Variants in MYO5B observed in about 807,000 individuals in gnomAD.
The protein encoded by MYO5B is myosin VB.
A neutral mutation model predicts 229.3 loss-of-function variants in MYO5B; 143 were observed. That is an observed-to-expected ratio of 0.62 (90% CI 0.54 to 0.72). The LOEUF (loss-of-function observed/expected upper bound fraction) is 0.72. MYO5B is among the 30% of genes least tolerant of loss of function. The pLI, the probability that MYO5B is intolerant of heterozygous loss-of-function variation, is 0.00. For synonymous variants in MYO5B, 918 were observed against 885.2 expected, an observed-to-expected ratio of 1.04 and a Z score of -0.66; for missense variants, 2,321 against 2,331.0, an observed-to-expected ratio of 1.00 and a Z score of 0.09.
intron 1 of MYO5B, among the ~76,000 whole-genome samples, chr18:50,067,624 C>A (rs944406869): frequency 6.6e-6 from 1 of 152,168 alleles, no homozygotes; most frequent in African/African-American, 2.4e-5. Flanking sequence ...CTCTTAGTTT[C>A]CGTGAGAGCC....
chr18:49,841,419 C>T lies in MYO5B; in HGVS notation c.4647G>A (p.Trp1549Ter). 4 of 1,614,180 alleles carry T rather than the reference C, an allele frequency of 2.5e-6. No individual in the cohort carries two copies. The highest frequency in any genetic ancestry group is 3.4e-6 in the Non-Finnish European group (4 of 1,180,030). The change falls in exon 35 of 40, where the codon TGG becomes TGA. Residue 1549 changes from tryptophan (W) to a stop codon, truncating the protein, a stop_gained. Coordinates refer to ENST00000285039, the MANE Select transcript of MYO5B (RefSeq NM_001080467.3). LOFTEE classifies it high-confidence loss of function. ...HNDDFEMTSF[W>*]LSNTCRLLHC... ...GAAGAAGGCGGCAGGTGTTGGATAA[C>T]CAGAATGACGTCATCTCAAAGTCAT...
chr18:49,886,024 G>A (rs557796968), intron 22 of MYO5B, among the ~76,000 whole-genome samples: 11 of 149,536 alleles, frequency 7.4e-5, no homozygotes, highest in African/African-American at 2.2e-4. Flanking sequence ...CTGCAGCCTC[G>A]ACCTCCCCAG....
At chr18:50,055,651 A>G (rs554532273) in intron 1 of MYO5B, among the ~76,000 whole-genome samples, 1 of 152,286 alleles carries the variant, frequency 6.6e-6, no homozygotes, top group East Asian at 1.9e-4. Flanking sequence ...TTGAGCCTGC[A>G]TTTGTTTATA....
chr18:49,848,928 G>C (rs1163960771), intron 32 of MYO5B, among the ~76,000 whole-genome samples: 1 of 152,060 alleles, frequency 6.6e-6, no homozygotes, highest in Non-Finnish European at 1.5e-5. Flanking sequence ...CAACACACAA[G>C]TGGGGTCAGG....
intron 39 of MYO5B, 24 bp downstream of exon 39, chr18:49,835,320 T>C: frequency 6.4e-7 from 1 of 1,564,508 alleles, no homozygotes; most frequent in Non-Finnish European, 8.8e-7. Context: ...CTGGACTTTA[T>C]AAAATTACTA....
chr18:50,106,462 G>C (rs2031762041), intron 1 of MYO5B, among the ~76,000 whole-genome samples: 1 of 152,200 alleles, frequency 6.6e-6, no homozygotes. Flanking sequence ...GCCCTGTCCA[G>C]AGGTTTCTGC....
At chr18:50,153,901 C>T (rs1242130112) in intron 1 of MYO5B, among the ~76,000 whole-genome samples, 1 of 152,150 alleles carries the variant, frequency 6.6e-6, no homozygotes, top group Non-Finnish European at 1.5e-5. Context: ...TTGCTCCCCA[C>T]CCCTGGAGCC....
At chr18:50,126,089 G>A (rs1235385900) in intron 1 of MYO5B, among the ~76,000 whole-genome samples, 4 of 152,154 alleles carry the variant, frequency 2.6e-5, no homozygotes, top group Non-Finnish European at 5.9e-5. Flanking sequence ...CAATGTGAAC[G>A]TACTTAATGC....
In MYO5B at chr18:50,107,109, C is replaced by CTTTTTT. The variant is rs71169479; in HGVS notation, c.28-51737_28-51732dup. On this transcript the variant is annotated intron_variant, in intron 1 of 39. Transcript: ENST00000285039. ...AGGGTTTCCTAATGCCTTAGGGTGC[C>CTTTTTT]TTTTTTTTTTTTTTTTTTTTTTTTT... 1.4e-4 allele frequency among the ~76,000 whole-genome samples: 8 copies of CTTTTTT among 56,652 alleles called. 1 individual carries two copies. Among genetic ancestry groups the CTTTTTT allele is most frequent in the Admixed American group, 2.9e-4 (1 of 3,418 alleles). 37.2% of individuals were successfully genotyped at this position (56,652 alleles called of 152,430 possible).
chr18:49,968,201 G>A (rs2025648301), intron 10 of MYO5B, among the ~76,000 whole-genome samples: 1 of 152,164 alleles, frequency 6.6e-6, no homozygotes, highest in South Asian at 2.1e-4. Flanking sequence ...AAGACAATGA[G>A]GCCATAGTGT....
intron 6 of MYO5B, among the ~76,000 whole-genome samples, chr18:49,991,944 C>T (rs536531526): frequency 4.6e-5 from 7 of 152,212 alleles, no homozygotes; most frequent in East Asian, 1.9e-4. Context: ...ACCCAGACTC[C>T]GTATTTATGA....
At chr18:50,070,535 G>A (rs140822788) in intron 1 of MYO5B, among the ~76,000 whole-genome samples, 97 of 151,880 alleles carry the variant, frequency 6.4e-4, no homozygotes, top group South Asian at 2.5e-3. Flanking sequence ...CAGGGATGCC[G>A]CTATAACAAC....
At chr18:50,155,859 A>T (rs1003289882) in intron 1 of MYO5B, among the ~76,000 whole-genome samples, 5 of 152,246 alleles carry the variant, frequency 3.3e-5, no homozygotes, top group Non-Finnish European at 7.3e-5. Context: ...GGCACCGAAG[A>T]TGACTTCAAC....
Position 49,912,132 on chromosome 18 carries a change from A to C in MYO5B, c.2132T>G (p.Val711Gly). 2 of 1,613,990 alleles carry C rather than the reference A, an allele frequency of 1.2e-6. No individual in the cohort carries two copies. Among genetic ancestry groups the C allele is most frequent in the Non-Finnish European group, 1.7e-6 (2 of 1,180,010 alleles). ...TGTGTTGGCGAGCTCTCTCTTCTTG[A>C]CCAGCACCCGATACCGGTTGAAAAA... is the stretch of plus-strand genomic sequence containing the variant. ...HDFFNRYRVLVKKRELANTDK... is the reference protein window; with the variant it reads ...HDFFNRYRVLGKKRELANTDK... The change falls in exon 18 of 40, where the codon GTC (valine) becomes GGC (glycine). Residue 711 changes from valine to glycine, a missense_variant. Physicochemically the swap from Val to Gly is moderately radical, Grantham distance 109. Transcript: ENST00000285039.
chr18:50,146,358 T>C (rs2032502429), intron 1 of MYO5B, among the ~76,000 whole-genome samples: 1 of 152,218 alleles, frequency 6.6e-6, no homozygotes, highest in African/African-American at 2.4e-5. Flanking sequence ...TCTTCCTACA[T>C]GGGACATTGT....
Position 49,962,307 on chromosome 18 carries a change from C to T in MYO5B, c.1504G>A (p.Ala502Thr). The T allele has an allele frequency of 1.2e-6, 2 of 1,614,198 alleles. No individual in the cohort carries two copies. Among genetic ancestry groups the T allele is most frequent in the Non-Finnish European group, 1.7e-6 (2 of 1,180,026 alleles). The change falls in exon 12 of 40, where the codon GCC becomes ACC. Residue 502 changes from alanine to threonine, a missense_variant. Transcript: ENST00000285039. The part of the protein sequence containing the change: ...DNQPCIDLIE[A>T]KLGILDLLDE... ...AACAGGTCCAAGATACCCAGCTTGG[C>T]TTCAATGAGGTCGATACAAGGTTGG...
chr18:49,905,469 G>A (rs900931564), intron 19 of MYO5B, among the ~76,000 whole-genome samples: 6 of 152,072 alleles, frequency 3.9e-5, no homozygotes, highest in African/African-American at 1.4e-4. Flanking sequence ...TTTGCTGCCA[G>A]GCCTATAACA....
At chr18:49,901,841 C>A (rs2024845144) in intron 21 of MYO5B, among the ~76,000 whole-genome samples, 1 of 152,184 alleles carries the variant, frequency 6.6e-6, no homozygotes, top group Non-Finnish European at 1.5e-5. Context: ...ATGCCATGTG[C>A]CCTTCCAGTG....
intron 26 of MYO5B, among the ~76,000 whole-genome samples, chr18:49,873,606 G>A (rs1225268163): frequency 2.0e-5 from 3 of 152,226 alleles, no homozygotes; most frequent in Non-Finnish European, 4.4e-5. Flanking sequence ...CTGCTCCGGT[G>A]AGAGTTCTGT....
Sources: allele counts gnomAD v4.1 joint callset (sites outside exome capture counted in the v4.1 genomes callset), GRCh38; gene constraint gnomAD v4.1.1; transcripts MANE v1.5; gene names NCBI Gene and HGNC (gene_info 2026-07-23, HGNC 2026-07-21).